The following STAB2 variants were observed in gnomAD, a reference collection of about 807,000 sequenced individuals.
STAB2 encodes the protein stabilin-2.
STAB2 carries 288 observed loss-of-function variants against 338.1 expected under a neutral mutation model. The ratio of observed to expected loss-of-function variants is 0.85; its 90% confidence interval spans 0.77 to 0.94. The LOEUF (loss-of-function observed/expected upper bound fraction) is 0.94, where lower values mean the gene tolerates loss of function less well. STAB2 is among the 40% of genes least tolerant of loss of function. STAB2 has a pLI of 0.00. For synonymous variants in STAB2, 1,202 were observed against 1,193.3 expected (o/e 1.01, Z -0.15); for missense variants, 3,141 against 3,210.1 (o/e 0.98, Z 0.52).
chr12:103,739,386 C>T, intron 53 of STAB2, 26 bp from the exon 54 acceptor site: 3 of 1,556,494 alleles, frequency 1.9e-6, no homozygotes, highest in Non-Finnish European at 2.6e-6. Context: ...TCTTGGTTTT[C>T]AAGTGTTTCT....
chr12:103,648,512 T>G (rs1483805506), intron 9 of STAB2, among the ~76,000 whole-genome samples, 178 bp from the exon 10 acceptor site: 1 of 152,174 alleles, frequency 6.6e-6, no homozygotes, highest in African/African-American at 2.4e-5. Context: ...TTTAATTTAT[T>G]AGGCATCCAT....
Position 103,688,166 on chromosome 12 carries a change from A to C in STAB2, c.2998-2A>C. The C allele has an allele frequency of 6.2e-7, 1 of 1,613,556 alleles. No homozygotes were observed. Among genetic ancestry groups the C allele is most frequent in the Non-Finnish European group, 8.5e-7 (1 of 1,179,492 alleles). On this transcript the variant is annotated splice_acceptor_variant, in intron 27 of 68. Coordinates refer to ENST00000388887, the MANE Select transcript of STAB2 (RefSeq NM_017564.10). LOFTEE classifies it high-confidence loss of function. The stretch of plus-strand genomic sequence containing the variant: ...TTCCCTCCCTTGCATGATATGAATA[A>C]GGAATTGTCATTTCTCTCCGAAGCA...
At chr12:103,764,959 C>T (rs1266085422) in intron 68 of STAB2, among the ~76,000 whole-genome samples, 3 of 150,468 alleles carry the variant, frequency 2.0e-5, no homozygotes. Context: ...GCGGTGGTGC[C>T]TGCCTGTAAT....
chr12:103,618,788 C>T (rs532389219), intron 3 of STAB2, among the ~76,000 whole-genome samples: 1 of 152,196 alleles, frequency 6.6e-6, no homozygotes, highest in African/African-American at 2.4e-5. Flanking sequence ...TAAACAAATG[C>T]ATCCTTTATT....
chr12:103,652,768 C>T, intron 12 of STAB2, 63 bp downstream of exon 12: 1 of 1,437,864 alleles, frequency 7.0e-7, no homozygotes, highest in Non-Finnish European at 9.2e-7. Context: ...TGCCCATATC[C>T]TTCTCTCTCT....
At chr12:103,713,877 A>C in intron 42 of STAB2, 109 bp downstream of exon 42, 1 of 1,520,492 alleles carries the variant, frequency 6.6e-7, no homozygotes, top group Non-Finnish European at 8.9e-7. Flanking sequence ...TGAGGTCAGT[A>C]TTCCATTTGC....
At chr12:103,731,684 TTTTGTTTTG>T in intron 50 of STAB2, 49 bp downstream of exon 50, 1 of 1,564,000 alleles carries the variant, frequency 6.4e-7, no homozygotes, top group Non-Finnish European at 8.7e-7. Context: ...CCTAAAGAAG[TTTTGTTTTG>T]TTTGTTTTGT....
chr12:103,654,435 CA>C, intron 12 of STAB2, 119 bp from the exon 13 acceptor site: 6 of 1,123,112 alleles, frequency 5.3e-6, no homozygotes, highest in Non-Finnish European at 7.3e-6. Flanking sequence ...GTGACTTATC[CA>C]AAATCACATT....
intron 25 of STAB2, among the ~76,000 whole-genome samples, chr12:103,679,385 A>T (rs913351408): frequency 6.6e-6 from 1 of 151,812 alleles, no homozygotes; most frequent in Non-Finnish European, 1.5e-5. Context: ...GAAAAAAAAA[A>T]GGGGGGTCAA....
At chr12:103,761,543 C>A in intron 66 of STAB2, 133 bp downstream of exon 66, 1 of 763,626 alleles carries the variant, frequency 1.3e-6, no homozygotes, top group Non-Finnish European at 2.1e-6. Flanking sequence ...AGCCTCCAAC[C>A]TCCAAGGTAG....
rs145364804 is a variant in STAB2 at position 103,686,002 on chromosome 12, A to C, written c.2997+918A>C. ...TTTTTAGCTCTTGCATATCAGTGAGAACTTGTGATATTTGTCCCTCTACAA... is the reference window on the plus strand; with the variant it reads ...TTTTTAGCTCTTGCATATCAGTGAGCACTTGTGATATTTGTCCCTCTACAA... On this transcript the variant is annotated intron_variant, in intron 27 of 68. Coordinates refer to ENST00000388887, the MANE Select transcript of STAB2 (RefSeq NM_017564.10). 2.6e-3 allele frequency among the ~76,000 whole-genome samples: 395 copies of C among 152,172 alleles called. 1 individual carries two copies. Among genetic ancestry groups the C allele is most frequent in the African/African-American group, 9.1e-3 (378 of 41,504 alleles).
chr12:103,674,363 T>C (rs750384238), intron 23 of STAB2, among the ~76,000 whole-genome samples: 1 of 152,110 alleles, frequency 6.6e-6, no homozygotes, highest in African/African-American at 2.4e-5. Context: ...AACAGTACAG[T>C]GAGGATGATG....
Position 103,638,118 on chromosome 12 carries a change from A to G in STAB2, c.812A>G (p.Asp271Gly). Reference sequence around the variant, plus strand: ...ACATGCCAAGAAGGCTACCGTGGGGATGGCCAAGTGTGCTTGCCTGTGGAC... The same window carrying G: ...ACATGCCAAGAAGGCTACCGTGGGGGTGGCCAAGTGTGCTTGCCTGTGGAC... ...SCTCQEGYRG[D>G]GQVCLPVDPC... The change falls in exon 8 of 69, where the codon GAT (aspartate) becomes GGT (glycine). Residue 271 changes from aspartate (D) to glycine (G), a missense_variant. Coordinates refer to ENST00000388887, the MANE Select transcript of STAB2 (RefSeq NM_017564.10). 1.2e-6 allele frequency: 2 copies of G among 1,614,200 alleles called. No individual in the cohort carries two copies. Among genetic ancestry groups the G allele is most frequent in the South Asian group, 2.2e-5 (2 of 91,080 alleles).
At chr12:103,699,429 A>G (rs1444491815) in intron 34 of STAB2, among the ~76,000 whole-genome samples, 1 of 152,196 alleles carries the variant, frequency 6.6e-6, no homozygotes, top group Non-Finnish European at 1.5e-5. Context: ...GAGGCCTCAC[A>G]ATCATAGTGG....
Position 103,763,596 on chromosome 12 carries a change from C to T in STAB2, c.7593C>T (p.Tyr2531=), listed in dbSNP as rs531895646. 1.8e-5 allele frequency: 29 copies of T among 1,613,884 alleles called. No individual in the cohort carries two copies. The highest frequency in any genetic ancestry group is 6.7e-5 in the East Asian group (3 of 44,876). ...CCTCAGCTCCCCCAGAACCTTCCTACGACCCCTTCACGGTGAGTTTGCATT... is the reference window on the plus strand; with the variant it reads ...CCTCAGCTCCCCCAGAACCTTCCTATGACCCCTTCACGGTGAGTTTGCATT... ...STTSAPPEPS[Y]DPFTDSEERQ... is the part of the protein sequence containing the mutation. The change falls in exon 68 of 69, where the codon TAC becomes TAT. Residue 2531 remains tyrosine, a synonymous_variant. Transcript: ENST00000388887.
chr12:103,696,948 C>A (rs879594759), intron 33 of STAB2, among the ~76,000 whole-genome samples: 4 of 152,006 alleles, frequency 2.6e-5, no homozygotes, highest in African/African-American at 9.7e-5. Context: ...TGGCTATGGA[C>A]GAGAAGGTTT....
intron 44 of STAB2, among the ~76,000 whole-genome samples, chr12:103,723,317 A>G (rs1037874084): frequency 5.9e-5 from 9 of 152,200 alleles, no homozygotes; most frequent in African/African-American, 2.2e-4. Context: ...GGTGACAAGC[A>G]TGTCTCACAT....
intron 38 of STAB2, 96 bp from the exon 39 acceptor site, chr12:103,708,345 G>A: frequency 8.1e-7 from 1 of 1,227,538 alleles, no homozygotes; most frequent in Non-Finnish European, 1.2e-6. Context: ...AAGTAGGTTG[G>A]AGAATTAAGT....
intron 18 of STAB2, among the ~76,000 whole-genome samples, chr12:103,665,485 T>G (rs1454378662): frequency 1.3e-5 from 2 of 152,084 alleles, no homozygotes; most frequent in African/African-American, 4.8e-5. Flanking sequence ...AGGAAACCAC[T>G]GCAACTAGGG....
Sources: allele counts gnomAD v4.1 joint callset (sites outside exome capture counted in the v4.1 genomes callset), GRCh38; gene constraint gnomAD v4.1.1; transcripts MANE v1.5; gene names NCBI Gene and HGNC (gene_info 2026-07-23, HGNC 2026-07-21).